Variants in MAGI2 observed in about 807,000 individuals in gnomAD.
MAGI2 encodes the protein membrane associated guanylate kinase, WW and PDZ domain containing 2.
In MAGI2, 35 loss-of-function variants were observed where a neutral mutation model predicts 133.3. That is an observed-to-expected ratio of 0.26 (90% CI 0.20 to 0.35). MAGI2 has a LOEUF of 0.35. Ranked by LOEUF, MAGI2 falls within the 10% of genes least tolerant of loss-of-function variation. The pLI is 1.00. For missense variants in MAGI2, 1,636 were observed against 1,863.4 expected, an observed-to-expected ratio of 0.88 and a Z score of 2.25; for synonymous variants, 729 against 710.6, an observed-to-expected ratio of 1.03 and a Z score of -0.41.
intron 6 of MAGI2, among the ~76,000 whole-genome samples, chr7:78,389,070 C>G (rs1432925713): frequency 6.6e-6 from 1 of 151,984 alleles, no homozygotes; most frequent in Non-Finnish European, 1.5e-5. Context: ...AATTACAGTG[C>G]TAGACAAAGG....
intron 20 of MAGI2, among the ~76,000 whole-genome samples, chr7:78,102,422 T>C (rs1818286753): frequency 6.6e-6 from 1 of 152,230 alleles, no homozygotes. Context: ...GTGGAAATCA[T>C]GCCCAAGGCA....
chr7:79,448,389 C>G (rs1486733493), intron 1 of MAGI2, among the ~76,000 whole-genome samples: 2 of 152,002 alleles, frequency 1.3e-5, no homozygotes, highest in Admixed American at 6.6e-5. Flanking sequence ...AGTAAAATAT[C>G]TTGAAAATTA....
chr7:79,248,843 C>CATTTTATTTT (rs59420661), intron 1 of MAGI2, among the ~76,000 whole-genome samples: 1,670 of 149,782 alleles, frequency 0.011, 30 homozygotes, highest in African/African-American at 0.036. Flanking sequence ...ATATTAAAAC[C>CATTTTATTTT]ATTTTATTTT....
intron 21 of MAGI2, among the ~76,000 whole-genome samples, chr7:78,065,138 G>T (rs1813683251): frequency 6.6e-6 from 1 of 152,108 alleles, no homozygotes; most frequent in African/African-American, 2.4e-5. Context: ...GGTGGAGTTT[G>T]GAGTTTCTAG....
intron 14 of MAGI2, among the ~76,000 whole-genome samples, chr7:78,172,642 C>T (rs542885188): frequency 3.3e-5 from 5 of 152,166 alleles, no homozygotes; most frequent in Non-Finnish European, 7.3e-5. Context: ...TGCTGAAAGC[C>T]GTGCTGTTGT....
In MAGI2 at chr7:78,256,487, A is replaced by G. The variant is rs527989376; in HGVS notation, c.1503T>C (p.Ser501=). ...KLFQSVPIGQ[S]VNLVLCRGYP... ...AGCCACGACACAACACCAGGTTGAC[A>G]CTCTGACCAATAGGAACAGACTGGA... is the stretch of plus-strand genomic sequence containing the variant. Residue 501 remains serine, a synonymous_variant, in exon 10 of 22, where the codon AGT becomes AGC. Coordinates refer to ENST00000354212, the MANE Select transcript of MAGI2 (RefSeq NM_012301.4). 3 of 1,613,894 alleles carry G rather than the reference A, an allele frequency of 1.9e-6. No individual in the cohort carries two copies. The highest frequency in any genetic ancestry group is 1.3e-5 in the African/African-American group (1 of 75,010).
At chr7:79,247,341 G>A (rs1832897514) in intron 1 of MAGI2, among the ~76,000 whole-genome samples, 1 of 152,178 alleles carries the variant, frequency 6.6e-6, no homozygotes, top group African/African-American at 2.4e-5. Context: ...CTGGCTGGAT[G>A]TGATGGCTCA....
chr7:78,886,362 C>T (rs1229180942), intron 2 of MAGI2, among the ~76,000 whole-genome samples: 1 of 152,184 alleles, frequency 6.6e-6, no homozygotes, highest in Non-Finnish European at 1.5e-5. Flanking sequence ...TTCTTGACAA[C>T]TTTAATGAGT....
In MAGI2 at chr7:78,345,992, C is replaced by T; in HGVS notation, c.1155G>A (p.Arg385=). Residue 385 remains arginine (R), a synonymous_variant, in exon 8 of 22, where the codon AGG becomes AGA. Transcript: ENST00000354212. ...QFENPVLEAK[R]KLQQHNMPHT... ...GGGGCATGTTATGTTGCTGTAGCTT[C>T]CTTTTTGCTTCCAGGACAGGATTTT... 1 of 1,614,152 alleles carries T rather than the reference C, an allele frequency of 6.2e-7. No individual in the cohort carries two copies. Among genetic ancestry groups the T allele is most frequent in the Non-Finnish European group, 8.5e-7 (1 of 1,180,024 alleles).
At chr7:78,791,522 G>T (rs1370870227) in intron 2 of MAGI2, among the ~76,000 whole-genome samples, 1 of 151,408 alleles carries the variant, frequency 6.6e-6, no homozygotes, top group Non-Finnish European at 1.5e-5. Context: ...ACTTTTAATG[G>T]CTAACCCTGA....
chr7:79,417,682 G>A (rs1846629342), intron 1 of MAGI2, among the ~76,000 whole-genome samples: 1 of 151,910 alleles, frequency 6.6e-6, no homozygotes, highest in Admixed American at 6.6e-5. Flanking sequence ...TGATCCTGGA[G>A]TAGGTGCTGC....
chr7:78,033,308 C>T (rs1034567406), intron 21 of MAGI2, among the ~76,000 whole-genome samples: 18 of 151,894 alleles, frequency 1.2e-4, no homozygotes, highest in East Asian at 5.8e-4. Flanking sequence ...AAGACCCTAT[C>T]GCTACAAAAA....
chr7:78,353,357 G>A (rs1466335238), intron 7 of MAGI2, among the ~76,000 whole-genome samples: 2 of 152,162 alleles, frequency 1.3e-5, no homozygotes, highest in African/African-American at 4.8e-5. Context: ...GGACACAAAA[G>A]TGAACATGAC....
intron 21 of MAGI2, among the ~76,000 whole-genome samples, chr7:78,033,972 T>G (rs1389310797): frequency 6.6e-6 from 1 of 152,174 alleles, no homozygotes; most frequent in Non-Finnish European, 1.5e-5. Flanking sequence ...CCTAAACAGA[T>G]GAGTCAACCC....
chr7:79,359,263 A>C (rs1234201314), intron 1 of MAGI2, among the ~76,000 whole-genome samples: 2 of 152,284 alleles, frequency 1.3e-5, no homozygotes, highest in Non-Finnish European at 2.9e-5. Context: ...GAATTAGGAA[A>C]TATGAAGACA....
intron 7 of MAGI2, among the ~76,000 whole-genome samples, chr7:78,351,024 G>A (rs1791453647): frequency 6.6e-6 from 1 of 152,170 alleles, no homozygotes; most frequent in Non-Finnish European, 1.5e-5. Context: ...GAAGAGAGAA[G>A]GGAGCAGCTT....
chr7:78,746,449 C>G (rs2151267603), intron 2 of MAGI2, among the ~76,000 whole-genome samples: 1 of 152,276 alleles, frequency 6.6e-6, no homozygotes, highest in Non-Finnish European at 1.5e-5. Flanking sequence ...GTTACAGGAG[C>G]TTATAGGCCC....
chr7:79,030,009 C>T (rs10268461), intron 1 of MAGI2, among the ~76,000 whole-genome samples: 17,963 of 152,132 alleles, frequency 0.12, 1,514 homozygotes, highest in African/African-American at 0.24. Flanking sequence ...GCACATTAGC[C>T]TCCGCATTCA....
At chr7:78,703,580 G>A (rs1585135631) in intron 2 of MAGI2, among the ~76,000 whole-genome samples, 1 of 151,976 alleles carries the variant, frequency 6.6e-6, no homozygotes, top group Non-Finnish European at 1.5e-5. Context: ...GGTTGTCCAT[G>A]AACTAATGCT....
Sources: allele counts gnomAD v4.1 joint callset (sites outside exome capture counted in the v4.1 genomes callset), GRCh38; gene constraint gnomAD v4.1.1; transcripts MANE v1.5; gene names NCBI Gene and HGNC (gene_info 2026-07-23, HGNC 2026-07-21).